SLC9A9: variants seen among roughly 807,000 people sequenced by gnomAD.
SLC9A9 encodes sodium/hydrogen exchanger 9.
In SLC9A9, 62 loss-of-function variants were observed where a neutral mutation model predicts 77.8. The ratio of observed to expected loss-of-function variants is 0.80; its 90% confidence interval spans 0.65 to 0.98. SLC9A9 has a LOEUF of 0.98. Ranked by LOEUF, SLC9A9 falls within the 50% of genes least tolerant of loss-of-function variation. SLC9A9 has a pLI of 0.00. For missense variants in SLC9A9, 775 were observed against 774.9 expected (o/e 1.00, Z 0.00); for synonymous variants, 320 against 283.5 (o/e 1.13, Z -1.29).
chr3:143,823,624 T>A (rs4593022), intron 2 of SLC9A9, among the ~76,000 whole-genome samples: 148,586 of 152,192 alleles, frequency 0.98, 72,544 homozygotes, highest in East Asian at 1. Flanking sequence ...CCCATAAATA[T>A]ATATACCTAC....
At chr3:143,405,729 C>G (rs771190066) in intron 12 of SLC9A9, among the ~76,000 whole-genome samples, 1 of 152,102 alleles carries the variant, frequency 6.6e-6, no homozygotes, top group Admixed American at 6.5e-5. Flanking sequence ...AGCTCTCTGA[C>G]GGGGAACAGG....
At position 143,466,940 on chromosome 3, in the gene SLC9A9, A is replaced by G. The variant is rs911638812; in HGVS notation, c.1469+97T>C. On this transcript the variant is annotated intron_variant, in intron 12 of 15. Transcript: ENST00000316549. ...TGACTGCTGGGAAAGTTAGGGTAGG[A>G]CCTGCCACTGTACTATTGACTAAGT... 1.5e-5 allele frequency: 22 copies of G among 1,456,582 alleles called. No individual in the cohort carries two copies. The African/African-American group carries it at 3.0e-4, about 20-fold the overall frequency. The allele number at this position is 1,456,582 out of a possible 1,614,324, so 90.2% of individuals were successfully genotyped here.
At chr3:143,518,369 A>G in intron 9 of SLC9A9, 3 of 612,724 alleles carry the variant, frequency 4.9e-6, no homozygotes. Context: ...TCTATTGAGT[A>G]GATATTATGG....
intron 11 of SLC9A9, among the ~76,000 whole-genome samples, chr3:143,468,904 G>T (rs1205946910): frequency 6.6e-6 from 1 of 152,184 alleles, no homozygotes; most frequent in Admixed American, 6.5e-5. Context: ...GTTCACGCCT[G>T]TAATCCCAGC....
intron 14 of SLC9A9, among the ~76,000 whole-genome samples, chr3:143,282,006 T>A (rs1338312383): frequency 1.3e-5 from 2 of 152,188 alleles, no homozygotes; most frequent in African/African-American, 4.8e-5. Context: ...GCAAATGCTG[T>A]TCCCTCCATT....
At chr3:143,694,876 G>A (rs1268992268) in intron 4 of SLC9A9, among the ~76,000 whole-genome samples, 2 of 152,132 alleles carry the variant, frequency 1.3e-5, no homozygotes. Flanking sequence ...TCTACCCTCT[G>A]AATTGAACTC....
chr3:143,738,900 C>T (rs548732800), intron 4 of SLC9A9, among the ~76,000 whole-genome samples: 2 of 152,314 alleles, frequency 1.3e-5, no homozygotes, highest in East Asian at 3.9e-4. Context: ...TTCATATCCC[C>T]TCTGGATATA....
At chr3:143,340,926 C>T (rs567834997) in intron 14 of SLC9A9, among the ~76,000 whole-genome samples, 1 of 152,310 alleles carries the variant, frequency 6.6e-6, no homozygotes, top group East Asian at 1.9e-4. Context: ...GCTTTATTCA[C>T]TTCCACATAT....
intron 12 of SLC9A9, among the ~76,000 whole-genome samples, chr3:143,462,577 T>C (rs962247692): frequency 1.3e-5 from 2 of 152,128 alleles, no homozygotes; most frequent in African/African-American, 4.8e-5. Flanking sequence ...TTCCTGTAAT[T>C]GAGGAAGACA....
At chr3:143,397,781 G>C (rs1490115073) in intron 12 of SLC9A9, among the ~76,000 whole-genome samples, 6 of 152,146 alleles carry the variant, frequency 3.9e-5, no homozygotes, top group Admixed American at 1.3e-4. Flanking sequence ...GGAAGGGAAG[G>C]AGCCTTAATG....
intron 4 of SLC9A9, among the ~76,000 whole-genome samples, chr3:143,749,988 A>AT (rs138025411): frequency 6.6e-6 from 1 of 152,182 alleles, no homozygotes; most frequent in Non-Finnish European, 1.5e-5. Flanking sequence ...ATACTACTCC[A>AT]TTTTTTGTTA....
intron 14 of SLC9A9, among the ~76,000 whole-genome samples, chr3:143,284,802 C>G (rs573072597): frequency 6.6e-6 from 1 of 152,172 alleles, no homozygotes; most frequent in Non-Finnish European, 1.5e-5. Context: ...TGGGAGGGTC[C>G]CTGCTGTTCA....
chr3:143,715,974 C>G (rs1024816779), intron 4 of SLC9A9, among the ~76,000 whole-genome samples: 6 of 152,206 alleles, frequency 3.9e-5, no homozygotes, highest in Admixed American at 1.3e-4. Flanking sequence ...TTCTGTCTTA[C>G]TACACACCAA....
At chr3:143,356,123 C>T (rs950427) in intron 14 of SLC9A9, among the ~76,000 whole-genome samples, 5,855 of 152,244 alleles carry the variant, frequency 0.038, 186 homozygotes, top group East Asian at 0.18. Context: ...ATCCATTGTG[C>T]CTAGGTAACA....
At chr3:143,713,851 C>T (rs1225817053) in intron 4 of SLC9A9, among the ~76,000 whole-genome samples, 1 of 152,106 alleles carries the variant, frequency 6.6e-6, no homozygotes, top group Admixed American at 6.5e-5. Context: ...GAAATAAAAG[C>T]AGAGACTGTA....
At chr3:143,565,556 GTTA>G (rs1352938200) in intron 8 of SLC9A9, among the ~76,000 whole-genome samples, 1 of 152,152 alleles carries the variant, frequency 6.6e-6, no homozygotes, top group Admixed American at 6.6e-5. Context: ...GAGTTAATGA[GTTA>G]TTATGCGAGA....
intron 12 of SLC9A9, among the ~76,000 whole-genome samples, chr3:143,455,861 T>C (rs1206900325): frequency 6.6e-6 from 1 of 151,860 alleles, no homozygotes; most frequent in East Asian, 1.9e-4. Context: ...TTGGGCACTT[T>C]TATTTCTCTC....
intron 13 of SLC9A9, among the ~76,000 whole-genome samples, chr3:143,364,566 C>A (rs556405817): frequency 2.1e-4 from 32 of 152,174 alleles, no homozygotes; most frequent in African/African-American, 7.0e-4. Flanking sequence ...TATTGATTTG[C>A]TTTTATTTTT....
chr3:143,777,151 G>A (rs1335544006), intron 4 of SLC9A9, among the ~76,000 whole-genome samples: 1 of 152,104 alleles, frequency 6.6e-6, no homozygotes, highest in African/African-American at 2.4e-5. Flanking sequence ...CAGAGATTAT[G>A]AATGAAACCC....
Sources: allele counts gnomAD v4.1 joint callset (sites outside exome capture counted in the v4.1 genomes callset), GRCh38; gene constraint gnomAD v4.1.1; transcripts MANE v1.5; gene names NCBI Gene and HGNC (gene_info 2026-07-23, HGNC 2026-07-21).